Variants in SPTLC3 observed in about 807,000 individuals in gnomAD.
SPTLC3 encodes the protein serine palmitoyltransferase 3.
A neutral mutation model predicts 59.3 loss-of-function variants in SPTLC3; 36 were observed. The observed-to-expected ratio is 0.61, with a 90% confidence interval of 0.47 to 0.80. The LOEUF (loss-of-function observed/expected upper bound fraction) is 0.80, where lower values mean the gene tolerates loss of function less well. Ranked by LOEUF, SPTLC3 falls within the 30% of genes least tolerant of loss-of-function variation. The probability of loss-of-function intolerance (pLI) is 0.00; values close to 1 mark genes in which losing one functional copy is unlikely to be tolerated. For synonymous variants in SPTLC3, 257 were observed against 240.8 expected (o/e 1.07, Z -0.62); for missense variants, 625 against 685.1 (o/e 0.91, Z 0.98).
chr20:13,053,774 G>A (rs199774809), intron 2 of SPTLC3, among the ~76,000 whole-genome samples: 1 of 151,884 alleles, frequency 6.6e-6, no homozygotes, highest in Admixed American at 6.6e-5. Flanking sequence ...TTGATCAAGC[G>A]GAAGAAAGGA....
chr20:13,124,581 G>A (rs1295225665), intron 8 of SPTLC3, among the ~76,000 whole-genome samples: 1 of 151,994 alleles, frequency 6.6e-6, no homozygotes, highest in East Asian at 1.9e-4. Flanking sequence ...GTGAAAGGGG[G>A]GGATTCAGAA....
At chr20:13,139,381 C>T (rs1052055614) in intron 9 of SPTLC3, among the ~76,000 whole-genome samples, 2 of 152,170 alleles carry the variant, frequency 1.3e-5, no homozygotes, top group Non-Finnish European at 2.9e-5. Context: ...TGTGGCTTAA[C>T]ACAATAGAAA....
chr20:13,063,819 T>A (rs186480597), intron 2 of SPTLC3, among the ~76,000 whole-genome samples: 1 of 150,208 alleles, frequency 6.7e-6, no homozygotes, highest in African/African-American at 2.4e-5. Flanking sequence ...CACACCCACT[T>A]AATTTGTGTA....
chr20:13,149,279 C>T (rs2038590067), intron 9 of SPTLC3, among the ~76,000 whole-genome samples: 1 of 152,204 alleles, frequency 6.6e-6, no homozygotes, highest in African/African-American at 2.4e-5. Context: ...GGCCGCAGTG[C>T]CCAATCTCCA....
intron 2 of SPTLC3, among the ~76,000 whole-genome samples, chr20:13,058,780 T>A (rs1029946508): frequency 1.3e-5 from 2 of 152,196 alleles, no homozygotes; most frequent in African/African-American, 2.4e-5. Context: ...AGCTCCCAGG[T>A]GAAGCCAATG....
intron 10 of SPTLC3, among the ~76,000 whole-genome samples, chr20:13,157,666 A>C (rs888299533): frequency 2.1e-5 from 3 of 143,274 alleles, no homozygotes; most frequent in African/African-American, 8.5e-5. Context: ...TACAAACAGA[A>C]AAAAAAAAAA....
At chr20:13,014,412 A>G (rs1241467176) in intron 1 of SPTLC3, among the ~76,000 whole-genome samples, 2 of 152,210 alleles carry the variant, frequency 1.3e-5, no homozygotes, top group Non-Finnish European at 2.9e-5. Flanking sequence ...CAGGCATAGA[A>G]AGGCATTCCA....
At chr20:13,163,326 C>T (rs942793705) in intron 11 of SPTLC3, among the ~76,000 whole-genome samples, 2 of 147,808 alleles carry the variant, frequency 1.4e-5, no homozygotes, top group African/African-American at 2.5e-5. Flanking sequence ...CGAGATCATG[C>T]CACTGCACTC....
chr20:13,091,103 G>T lies in SPTLC3; in HGVS notation c.628G>T (p.Glu210Ter). The change falls in exon 5 of 12, where the codon GAG (glutamate) becomes TAG (stop). Residue 210 changes from glutamate to a stop codon, truncating the protein, a stop_gained. Transcript: ENST00000399002. LOFTEE classifies it high-confidence loss of function. ...TGCAGGCACCTTGGATAAGCACAAG[G>T]AGTTGGAGGACCTTGTGGCTAAGTT... ...HEMGTLDKHK[E>*]LEDLVAKFLN... 1 of 1,614,014 alleles carries T rather than the reference G, an allele frequency of 6.2e-7. No individual in the cohort carries two copies. Among genetic ancestry groups the T allele is most frequent in the Non-Finnish European group, 8.5e-7 (1 of 1,179,886 alleles).
chr20:13,109,275 C>G (rs774182489), intron 6 of SPTLC3, among the ~76,000 whole-genome samples: 5 of 152,188 alleles, frequency 3.3e-5, no homozygotes, highest in Admixed American at 6.5e-5. Context: ...TCTACATCAC[C>G]ATTTCATTTG....
chr20:13,096,425 T>C (rs1442181912), intron 6 of SPTLC3, among the ~76,000 whole-genome samples: 1 of 149,942 alleles, frequency 6.7e-6, no homozygotes, highest in African/African-American at 2.5e-5. Context: ...ATTTATACAA[T>C]AGAACACTAC....
intron 2 of SPTLC3, among the ~76,000 whole-genome samples, chr20:13,052,415 G>A (rs1987535249): frequency 6.6e-6 from 1 of 152,118 alleles, no homozygotes; most frequent in Admixed American, 6.5e-5. Flanking sequence ...ACACCACCAG[G>A]ACCCTGGGTT....
intron 10 of SPTLC3, among the ~76,000 whole-genome samples, chr20:13,158,198 A>G (rs749083666): frequency 7.9e-5 from 12 of 152,196 alleles, no homozygotes; most frequent in Non-Finnish European, 1.6e-4. Flanking sequence ...GTTTATTATC[A>G]TTATTATTAT....
chr20:13,159,103 A>C (rs1196100204), intron 10 of SPTLC3, among the ~76,000 whole-genome samples: 1 of 152,246 alleles, frequency 6.6e-6, no homozygotes, highest in African/African-American at 2.4e-5. Context: ...CTTGGCTCTC[A>C]GCACAAGATA....
rs144584151 is a variant in SPTLC3 at position 13,136,916 on chromosome 20, C to T, written c.1279+10199C>T. On this transcript the variant is annotated intron_variant, in intron 9 of 11. Coordinates refer to ENST00000399002, the MANE Select transcript of SPTLC3 (RefSeq NM_018327.4). Reference sequence around the variant, plus strand: ...ATTATCTTAGATATTATCAATTAAACAGATACTATCCAGATAACTACTTCA... The same window carrying T: ...ATTATCTTAGATATTATCAATTAAATAGATACTATCCAGATAACTACTTCA... Among the ~76,000 whole-genome samples the T allele has an allele frequency of 1.2e-4, 18 of 152,022 alleles. No homozygotes were observed. The East Asian group carries it at 3.1e-3, about 26-fold the overall frequency.
At chr20:13,031,386 G>A (rs775382470) in intron 1 of SPTLC3, among the ~76,000 whole-genome samples, 16 of 152,100 alleles carry the variant, frequency 1.1e-4, no homozygotes, top group African/African-American at 4.8e-5. Flanking sequence ...GATCTAAACC[G>A]TGAGAGCAGG....
intron 9 of SPTLC3, among the ~76,000 whole-genome samples, chr20:13,149,205 T>C (rs1401657522): frequency 6.6e-6 from 1 of 152,238 alleles, no homozygotes; most frequent in East Asian, 1.9e-4. Context: ...GACTTCTGTG[T>C]AATATGTAGA....
chr20:13,109,041 C>T (rs369904706), intron 6 of SPTLC3, among the ~76,000 whole-genome samples: 9 of 152,204 alleles, frequency 5.9e-5, no homozygotes, highest in East Asian at 1.9e-4. Flanking sequence ...CCATAAACCT[C>T]GGCCATTTTT....
chr20:13,144,298 A>T (rs1277809489), intron 9 of SPTLC3, among the ~76,000 whole-genome samples: 2 of 152,216 alleles, frequency 1.3e-5, no homozygotes, highest in African/African-American at 4.8e-5. Flanking sequence ...AAGACCCTTG[A>T]AAATAGTGGA....
Sources: allele counts gnomAD v4.1 joint callset (sites outside exome capture counted in the v4.1 genomes callset), GRCh38; gene constraint gnomAD v4.1.1; transcripts MANE v1.5; gene names NCBI Gene and HGNC (gene_info 2026-07-23, HGNC 2026-07-21).